The following DOCK7 variants were observed in gnomAD, a reference collection of about 807,000 sequenced individuals.
DOCK7 encodes the protein dedicator of cytokinesis 7, also known as dedicator of cytokinesis protein 7.
A neutral mutation model predicts 271.0 loss-of-function variants in DOCK7; 138 were observed. That is an observed-to-expected ratio of 0.51 (90% CI 0.44 to 0.59). The LOEUF is 0.59. DOCK7 is among the 20% of genes least tolerant of loss of function. DOCK7 has a pLI of 0.00. For synonymous variants in DOCK7, 823 were observed against 876.1 expected (o/e 0.94, Z 1.07); for missense variants, 2,066 against 2,592.4 (o/e 0.80, Z 4.41).
In DOCK7 at chr1:62,688,241, G is replaced by A; in HGVS notation, c.24C>T (p.Ala8=). 7.3e-7 allele frequency: 1 copy of A among 1,375,282 alleles called. No individual in the cohort carries two copies. The allele number at this position is 1,375,282 out of a possible 1,614,324, so 85.2% of individuals were successfully genotyped here. Residue 8 remains alanine (A), a synonymous_variant, in exon 1 of 50, where the codon GCC becomes GCT. Transcript: ENST00000635253. ...CGGATATTTACCTGCTGATCTTCTG[G>A]GCGAAGGCGCGGCGCTCGGCCATGG... The part of the protein sequence containing the change: MAERRAF[A]QKISRTVAAE...
Position 62,639,426 on chromosome 1 carries a change from C to CTTTTTT in DOCK7, c.819-2829_819-2824dup, listed in dbSNP as rs386367151. ...AACTTAGTGCAAACTTTGTAATACT[C>CTTTTTT]TTTTTTTTTTTTTTTTTTTTTTTTT... On this transcript the variant is annotated intron_variant, in intron 7 of 49. Coordinates refer to ENST00000635253, the MANE Select transcript of DOCK7 (RefSeq NM_001367561.1). Among the ~76,000 whole-genome samples, 13 of 75,864 alleles carry CTTTTTT rather than the reference C, an allele frequency of 1.7e-4. 1 individual carries two copies. The highest frequency in any genetic ancestry group is 4.1e-4 in the African/African-American group (7 of 17,006). 49.8% of individuals were successfully genotyped at this position (75,864 alleles called of 152,430 possible). A position where few individuals can be genotyped will look rare whatever the true frequency, so the allele number is the denominator to read the frequency against.
At chr1:62,684,718 T>A (rs978146586) in intron 1 of DOCK7, among the ~76,000 whole-genome samples, 4 of 152,156 alleles carry the variant, frequency 2.6e-5, no homozygotes, top group South Asian at 2.1e-4. Context: ...ATGGGCCTTA[T>A]CCTCAAAAAG....
rs1207741005 is a variant in DOCK7, at chr1:62,552,864, T to A, written c.2634A>T (p.Thr878=). The change falls in exon 22 of 50, where the codon ACA becomes ACT. Residue 878 remains threonine, a synonymous_variant. Coordinates refer to ENST00000635253, the MANE Select transcript of DOCK7 (RefSeq NM_001367561.1). ...CAGGTCTCACCGCAGATCTAGCCAT[T>A]GTGGCATAATGCACTGATCCTCCCA... ...GGLGGSVHYA[T]MARSAVRPAS... The A allele has an allele frequency of 6.2e-7, 1 of 1,613,658 alleles. No homozygotes were observed. The highest frequency in any genetic ancestry group is 1.1e-5 in the South Asian group (1 of 90,980).
chr1:62,476,186 T>G lies in DOCK7; in HGVS notation c.5635-30A>C, dbSNP rs560383192. 2.5e-6 allele frequency: 4 copies of G among 1,590,808 alleles called. No individual in the cohort carries two copies. The East Asian group carries it at 8.9e-5, about 36-fold the overall frequency. The stretch of plus-strand genomic sequence containing the variant: ...AATAAAGAAAAAGAAACATTTTATA[T>G]GAAGTTAAAAAGACTGCGAAATAGA... On this transcript the variant is annotated intron_variant, in intron 44 of 49. Transcript: ENST00000635253.
intron 16 of DOCK7, among the ~76,000 whole-genome samples, chr1:62,579,769 G>T (rs1647057653): frequency 6.9e-6 from 1 of 145,284 alleles, no homozygotes. Flanking sequence ...CACTGTTGAA[G>T]AAATAAAAAA....
At chr1:62,468,140 C>T (rs897102866) in intron 48 of DOCK7, among the ~76,000 whole-genome samples, 6 of 152,008 alleles carry the variant, frequency 3.9e-5, no homozygotes, top group Admixed American at 1.3e-4. Context: ...GTGGGCAGAT[C>T]GCCTGAGGTC....
chr1:62,477,567 T>C (rs1182961601), intron 44 of DOCK7, 133 bp downstream of exon 44: 1 of 878,890 alleles, frequency 1.1e-6, no homozygotes, highest in Admixed American at 3.0e-5. Flanking sequence ...CTATTAAAAG[T>C]CCTTATTCTC....
chr1:62,584,663 G>A, intron 15 of DOCK7: 1 of 1,364,240 alleles, frequency 7.3e-7, no homozygotes, highest in Middle Eastern at 2.5e-4. Context: ...TATGGATTGA[G>A]CATTAATTAT....
intron 2 of DOCK7, among the ~76,000 whole-genome samples, chr1:62,659,867 G>A (rs1241713189): frequency 1.3e-5 from 2 of 152,082 alleles, no homozygotes; most frequent in East Asian, 3.8e-4. Context: ...TCTTAAATGT[G>A]TATGTACTAA....
chr1:62,681,991 G>C (rs1661220827), intron 1 of DOCK7, among the ~76,000 whole-genome samples: 1 of 151,924 alleles, frequency 6.6e-6, no homozygotes. Flanking sequence ...TGGTGGACTG[G>C]AGTAGTCTTA....
At position 62,655,415 on chromosome 1, in the gene DOCK7, T is replaced by C. The variant is rs555958429; in HGVS notation, c.145-1256A>G. 2.4e-3 allele frequency among the ~76,000 whole-genome samples: 304 copies of C among 128,308 alleles called. 2 individuals are homozygous for C. Among genetic ancestry groups the C allele is most frequent in the African/African-American group, 7.6e-3 (289 of 38,228 alleles). The allele number at this position is 128,308 out of a possible 152,430, so 84.2% of individuals were successfully genotyped here. On this transcript the variant is annotated intron_variant, in intron 2 of 49. Transcript: ENST00000635253. ...CTATGCTTCTTTGGACTGAACTTTTTTTTTCTTTTCTTTTTTTTTTTTTTT... is the reference window on the plus strand; with the variant it reads ...CTATGCTTCTTTGGACTGAACTTTTCTTTTCTTTTCTTTTTTTTTTTTTTT...
At chr1:62,683,560 C>T (rs1438449336) in intron 1 of DOCK7, among the ~76,000 whole-genome samples, 5 of 152,122 alleles carry the variant, frequency 3.3e-5, no homozygotes, top group Admixed American at 3.3e-4. Flanking sequence ...AGAAAGCTGG[C>T]ATAACTTTAG....
At chr1:62,476,241 T>A in intron 44 of DOCK7, 85 bp from the exon 45 acceptor site, 1 of 903,636 alleles carries the variant, frequency 1.1e-6, no homozygotes, top group South Asian at 1.6e-5. Flanking sequence ...CTGAGCAAAA[T>A]TAGGAGAATT....
intron 1 of DOCK7, among the ~76,000 whole-genome samples, chr1:62,665,654 C>G (rs1170634643): frequency 7.7e-6 from 1 of 129,474 alleles, no homozygotes; most frequent in East Asian, 2.5e-4. Context: ...GAGCCGAGAT[C>G]ACGTCAAGCC....
chr1:62,648,088 A>G lies in DOCK7; in HGVS notation c.732+18T>C, dbSNP rs999884719. 4 of 1,601,684 alleles carry G rather than the reference A, an allele frequency of 2.5e-6. No individual in the cohort carries two copies. The highest frequency in any genetic ancestry group is 1.7e-4 in the Middle Eastern group (1 of 6,032). On this transcript the variant is annotated intron_variant, in intron 6 of 49. Coordinates refer to ENST00000635253, the MANE Select transcript of DOCK7 (RefSeq NM_001367561.1). ...AATTTTAATAATCATTTGCTTCTTT[A>G]TATGCAAACATCTATACCTCATCTG...
chr1:62,604,893 T>A, intron 14 of DOCK7: 1 of 1,464,260 alleles, frequency 6.8e-7, no homozygotes, highest in South Asian at 1.2e-5. Flanking sequence ...AATCTGGTAT[T>A]AAATCCTTAA....
At chr1:62,504,421 A>G (rs1646880985) in intron 37 of DOCK7, among the ~76,000 whole-genome samples, 1 of 152,194 alleles carries the variant, frequency 6.6e-6, no homozygotes, top group African/African-American at 2.4e-5. Flanking sequence ...TAATATACAT[A>G]CATACATACA....
rs756970646 is a variant in DOCK7, at chr1:62,475,664, T to C, written c.5961+43A>G. The stretch of plus-strand genomic sequence containing the variant: ...CTGAGTTGTTGTTACATGGCTTGAA[T>C]GTATTTGCTTCACTAATGCTGTTTG... On this transcript the variant is annotated intron_variant, in intron 46 of 49. Transcript: ENST00000635253. 5.9e-6 allele frequency: 9 copies of C among 1,537,902 alleles called. No individual in the cohort carries two copies. The South Asian group carries it at 1.0e-4, about 17-fold the overall frequency.
At chr1:62,606,082 T>C (rs895195690) in intron 14 of DOCK7, 7 of 152,016 alleles carry the variant, frequency 4.6e-5, no homozygotes, top group Admixed American at 4.6e-4. Flanking sequence ...ATAAAAGATA[T>C]GTATGATCTA....
Sources: allele counts gnomAD v4.1 joint callset (sites outside exome capture counted in the v4.1 genomes callset), GRCh38; gene constraint gnomAD v4.1.1; transcripts MANE v1.5; gene names NCBI Gene and HGNC (gene_info 2026-07-23, HGNC 2026-07-21).